The following ADRA1A variants were observed in gnomAD, a reference collection of about 807,000 sequenced individuals.
ADRA1A encodes alpha-1A adrenergic receptor.
In ADRA1A, 31 loss-of-function variants were observed where a neutral mutation model predicts 29.6. The observed-to-expected ratio is 1.05, with a 90% CI of 0.79 to 1.41. ADRA1A has a LOEUF of 1.41. Ranked by LOEUF, ADRA1A falls within the 40% of genes most tolerant of loss-of-function variation. ADRA1A has a pLI of 0.00. For missense variants in ADRA1A, 619 were observed against 601.1 expected (o/e 1.03, Z -0.31); for synonymous variants, 311 against 254.3 (o/e 1.22, Z -2.12).
chr8:26,807,243 A>G (rs1809060576), intron 2 of ADRA1A, among the ~76,000 whole-genome samples: 1 of 152,142 alleles, frequency 6.6e-6, no homozygotes, highest in South Asian at 2.1e-4. Context: ...TTCTTTATCA[A>G]TGTCATGAGG....
intron 2 of ADRA1A, among the ~76,000 whole-genome samples, chr8:26,793,847 G>T (rs1425299173): frequency 6.6e-6 from 1 of 151,852 alleles, no homozygotes; most frequent in South Asian, 2.1e-4. Context: ...TTATATTCAT[G>T]CTATATAAGT....
At chr8:26,779,724 T>A (rs1367273579) in intron 2 of ADRA1A, among the ~76,000 whole-genome samples, 1 of 152,188 alleles carries the variant, frequency 6.6e-6, no homozygotes, top group Non-Finnish European at 1.5e-5. Flanking sequence ...GCTGCTGTCA[T>A]GCAGTGCGTC....
chr8:26,816,836 G>A (rs954130089), intron 2 of ADRA1A, among the ~76,000 whole-genome samples: 4 of 152,188 alleles, frequency 2.6e-5, no homozygotes, highest in African/African-American at 9.7e-5. Context: ...TCCTACAGGA[G>A]TTTGAACCTC....
downstream of ADRA1A, among the ~76,000 whole-genome samples, chr8:26,763,149 C>T (rs1349211715): frequency 1.3e-5 from 2 of 152,110 alleles, no homozygotes; most frequent in African/African-American, 4.8e-5. This position sits in a 1 kb window ranked among gnomAD's most constrained non-coding sequence, Gnocchi z 4.5. Context: ...CCCTCATACC[C>T]AGCATGCTTT....
chr8:26,768,568 C>T (rs1329309689), downstream of ADRA1A, among the ~76,000 whole-genome samples: 2 of 152,066 alleles, frequency 1.3e-5, no homozygotes, highest in African/African-American at 4.8e-5. Flanking sequence ...TGGGGAATTC[C>T]ACACCTGACC....
At chr8:26,847,341 T>C (rs1427515060) in intron 2 of ADRA1A, among the ~76,000 whole-genome samples, 1 of 152,182 alleles carries the variant, frequency 6.6e-6, no homozygotes, top group Non-Finnish European at 1.5e-5. Context: ...TCACCCCCGA[T>C]TGAGAACTAC....
chr8:26,782,390 A>C (rs1172753007), intron 2 of ADRA1A, among the ~76,000 whole-genome samples: 1 of 152,258 alleles, frequency 6.6e-6, no homozygotes, highest in Admixed American at 6.5e-5. Context: ...ATGGCTTCTA[A>C]GTATAGCTGG....
At chr8:26,804,527 C>T (rs1808824314) in intron 2 of ADRA1A, among the ~76,000 whole-genome samples, 1 of 152,128 alleles carries the variant, frequency 6.6e-6, no homozygotes, top group South Asian at 2.1e-4. Flanking sequence ...TTGTAGGAGT[C>T]TAGAAATTGC....
rs1465813164 is a variant in ADRA1A, at chr8:26,787,577, G to A, written c.884-16911C>T. Among the ~76,000 whole-genome samples, 2 of 151,898 alleles carry A rather than the reference G, an allele frequency of 1.3e-5. No homozygotes were observed. The highest frequency in any genetic ancestry group is 2.9e-5 in the Non-Finnish European group (2 of 68,008). ...ACTGTCATCTGTAGTTCTTGGATAT[G>A]GAGAGAAGGGAAAAGTGAAGGAGAG... On this transcript the variant is annotated intron_variant, in intron 2 of 2. Coordinates refer to ENST00000380573, the MANE Select transcript of ADRA1A (RefSeq NM_000680.4). The surrounding 1 kb of genome is among the most constrained non-coding windows in gnomAD (Gnocchi z 4.2).
At chr8:26,777,252 C>T (rs1585665653) in intron 2 of ADRA1A, among the ~76,000 whole-genome samples, 2 of 152,164 alleles carry the variant, frequency 1.3e-5, no homozygotes, top group African/African-American at 4.8e-5. Context: ...GTCAGAATAA[C>T]CATGGACAGT....
intron 2 of ADRA1A, among the ~76,000 whole-genome samples, chr8:26,814,081 A>G (rs1027975997): frequency 1.3e-5 from 2 of 152,200 alleles, no homozygotes; most frequent in Non-Finnish European, 2.9e-5. Context: ...ACTGTTTCAC[A>G]TAAAATTTGA....
rs768150925 is a variant in ADRA1A, at chr8:26,864,777, T to G, written c.193A>C (p.Ile65Leu). 6.2e-7 allele frequency: 1 copy of G among 1,613,668 alleles called. No homozygotes were observed. Among genetic ancestry groups the G allele is most frequent in the African/African-American group, 1.3e-5 (1 of 74,804 alleles). Residue 65 changes from isoleucine (I) to leucine (L), a missense_variant, in exon 2 of 3, where the codon ATC becomes CTC. Coordinates refer to ENST00000380573, the MANE Select transcript of ADRA1A (RefSeq NM_000680.4). This position sits in a 1 kb window ranked among gnomAD's most constrained non-coding sequence, Gnocchi z 8.1. ...RHLHSVTHYY[I>L]VNLAVADLLL... ...AGGTCGGCCACCGCCAGGTTGACGA[T>G]GTAGTAGTGCGTGACTGAGTGCAGG... is the stretch of plus-strand genomic sequence containing the variant.
Position 26,865,453 on chromosome 8 carries a change from A to C in ADRA1A, c.-484T>G. The C allele has an allele frequency of 1.0e-6, 1 of 1,002,244 alleles. No homozygotes were observed. Among genetic ancestry groups the C allele is most frequent in the Non-Finnish European group, 1.2e-6 (1 of 840,048 alleles). The allele number at this position is 1,002,244 out of a possible 1,614,324, so 62.1% of individuals were successfully genotyped here. ...CCTCAAACCAAAAGATCAGCCGTCG[A>C]CGCTCAAAGGCAGGGACCGATGGTT... On this transcript the variant is annotated 5_prime_UTR_variant, in exon 2 of 3. Coordinates refer to ENST00000380573, the MANE Select transcript of ADRA1A (RefSeq NM_000680.4). This position sits in a 1 kb window ranked among gnomAD's most constrained non-coding sequence, Gnocchi z 7.6.
intron 2 of ADRA1A, chr8:26,859,008 T>C: frequency 8.3e-7 from 1 of 1,205,926 alleles, no homozygotes; most frequent in Non-Finnish European, 1.1e-6. Flanking sequence ...AGGAAGGACC[T>C]TTGCAGTCAA....
intron 2 of ADRA1A, among the ~76,000 whole-genome samples, chr8:26,786,183 T>G (rs1403180968): frequency 1.3e-5 from 2 of 152,116 alleles, no homozygotes; most frequent in Non-Finnish European, 2.9e-5. Context: ...TGCCTTTCAC[T>G]CTCTTCCCTA....
Position 26,775,179 on chromosome 8 carries a change from CCGACCTTCTGACAGA to C in ADRA1A, c.884-4528_884-4514del. Among the ~76,000 whole-genome samples the C allele has an allele frequency of 6.6e-6, 1 of 152,266 alleles. No homozygotes were observed. Among genetic ancestry groups the C allele is most frequent in the Admixed American group, 6.5e-5 (1 of 15,304 alleles). On this transcript the variant is annotated intron_variant, in intron 2 of 2. Coordinates refer to ENST00000380573, the MANE Select transcript of ADRA1A (RefSeq NM_000680.4). This position sits in a 1 kb window ranked among gnomAD's most constrained non-coding sequence, Gnocchi z 4.1. The stretch of plus-strand genomic sequence containing the variant: ...CTCCTAGTTTTTGCTGCATGAATGG[CCGACCTTCTGACAGA>C]CGGATGGACTGACTGACTGAATGAA...
At chr8:26,780,645 C>T (rs1194451692) in intron 2 of ADRA1A, among the ~76,000 whole-genome samples, 1 of 152,216 alleles carries the variant, frequency 6.6e-6, no homozygotes. Flanking sequence ...CCCTGGGCCA[C>T]AGACCAGTAC....
chr8:26,791,925 C>T (rs193107178), intron 2 of ADRA1A, among the ~76,000 whole-genome samples: 4 of 152,266 alleles, frequency 2.6e-5, no homozygotes, highest in East Asian at 3.9e-4. Flanking sequence ...ACACCAGCCT[C>T]CCTATCACAT....
intron 2 of ADRA1A, among the ~76,000 whole-genome samples, chr8:26,851,372 A>G (rs1265456209): frequency 6.6e-6 from 1 of 152,218 alleles, no homozygotes; most frequent in Non-Finnish European, 1.5e-5. Context: ...AGAATTAAAA[A>G]GCAAAGAAAA....
Sources: allele counts gnomAD v4.1 joint callset (sites outside exome capture counted in the v4.1 genomes callset), GRCh38; gene constraint gnomAD v4.1.1; non-coding constraint Gnocchi (gnomAD v3.1); transcripts MANE v1.5; gene names NCBI Gene and HGNC (gene_info 2026-07-23, HGNC 2026-07-21).